Variants in MCCC2 observed in about 807,000 individuals in gnomAD.
MCCC2 encodes the protein methylcrotonyl-CoA carboxylase subunit 2, also known as methylcrotonoyl-CoA carboxylase beta chain, mitochondrial.
In MCCC2, 52 loss-of-function variants were observed where a neutral mutation model predicts 77.2. That is an observed-to-expected ratio of 0.67 (90% CI 0.54 to 0.85). MCCC2 has a LOEUF of 0.85. Ranked by LOEUF, MCCC2 falls within the 40% of genes least tolerant of loss-of-function variation. The pLI, the probability that MCCC2 is intolerant of heterozygous loss-of-function variation, is 0.00. For missense variants in MCCC2, 682 were observed against 703.2 expected (o/e 0.97, Z 0.34); for synonymous variants, 253 against 248.4 (o/e 1.02, Z -0.18).
At chr5:71,647,744 T>G (rs2112465750) in intron 13 of MCCC2, among the ~76,000 whole-genome samples, 1 of 152,292 alleles carries the variant, frequency 6.6e-6, no homozygotes, top group South Asian at 2.1e-4. Context: ...AGAACCCCCC[T>G]GAGAGAAGAG....
chr5:71,638,748 T>G (rs1321984604), intron 10 of MCCC2, among the ~76,000 whole-genome samples: 2 of 152,258 alleles, frequency 1.3e-5, no homozygotes, highest in African/African-American at 2.4e-5. Flanking sequence ...CTTGAACTCC[T>G]GACCTCAGGT....
At chr5:71,595,960 G>A (rs954846531) in intron 2 of MCCC2, among the ~76,000 whole-genome samples, 5 of 152,132 alleles carry the variant, frequency 3.3e-5, no homozygotes, top group Non-Finnish European at 7.4e-5. Context: ...TAAATGTGGT[G>A]GAGATGAGGC....
At chr5:71,627,113 G>A (rs1434632720) in intron 7 of MCCC2, among the ~76,000 whole-genome samples, 1 of 152,188 alleles carries the variant, frequency 6.6e-6, no homozygotes, top group African/African-American at 2.4e-5. Flanking sequence ...TGTGATAGAC[G>A]TATTTCACTT....
At chr5:71,630,196 C>T (rs988662356) in intron 7 of MCCC2, among the ~76,000 whole-genome samples, 1 of 152,158 alleles carries the variant, frequency 6.6e-6, no homozygotes, top group Non-Finnish European at 1.5e-5. Flanking sequence ...AATTCTGACG[C>T]ACGCTTGACC....
chr5:71,658,006 C>T lies in MCCC2; in HGVS notation c.*1146C>T, dbSNP rs546369361. Reference sequence around the variant, plus strand: ...CCCACTTATTTTTGTCTTTCACTATCGCAGGCCTTAGAAGAGGTCTACCTG... The same window carrying T: ...CCCACTTATTTTTGTCTTTCACTATTGCAGGCCTTAGAAGAGGTCTACCTG... On this transcript the variant is annotated 3_prime_UTR_variant, in exon 17 of 17. Transcript: ENST00000340941. The T allele has an allele frequency of 5.9e-5, 9 of 152,298 alleles. No individual in the cohort carries two copies. In the East Asian group the frequency reaches 9.6e-4, roughly 16 times the overall value. 9.4% of individuals were successfully genotyped at this position (152,298 alleles called of 1,614,324 possible). A position where few individuals can be genotyped will look rare whatever the true frequency, so the allele number is the denominator to read the frequency against.
At chr5:71,625,754 A>G (rs897809047) in intron 6 of MCCC2, among the ~76,000 whole-genome samples, 7 of 152,370 alleles carry the variant, frequency 4.6e-5, no homozygotes, top group Admixed American at 1.3e-4. Context: ...TTGGCCATTT[A>G]GATGGAAAAA....
intron 13 of MCCC2, 42 bp from the exon 14 acceptor site, chr5:71,649,055 A>G (rs1484528622): frequency 6.2e-7 from 1 of 1,610,476 alleles, no homozygotes; most frequent in South Asian, 1.1e-5. Flanking sequence ...TCCGCATATT[A>G]ATCCCATCAC....
chr5:71,643,950 G>A, intron 12 of MCCC2, 55 bp downstream of exon 12: 1 of 1,606,494 alleles, frequency 6.2e-7, no homozygotes, highest in Non-Finnish European at 8.5e-7. Flanking sequence ...ACATAACGTT[G>A]AAGGTCAAAT....
At chr5:71,648,986 G>T in intron 13 of MCCC2, 111 bp from the exon 14 acceptor site, 1 of 1,232,178 alleles carries the variant, frequency 8.1e-7, no homozygotes. Flanking sequence ...TTCTTAAGGC[G>T]AGAGGCATTT....
At chr5:71,600,964 G>A (rs926425229) in intron 4 of MCCC2, among the ~76,000 whole-genome samples, 2 of 152,176 alleles carry the variant, frequency 1.3e-5, no homozygotes, top group African/African-American at 4.8e-5. Context: ...TCCCATTGCC[G>A]AGCCTCAGTG....
Position 71,602,568 on chromosome 5 carries a change from C to A in MCCC2, c.446C>A (p.Thr149Asn). The A allele has an allele frequency of 6.2e-7, 1 of 1,614,134 alleles. No individual in the cohort carries two copies. The highest frequency in any genetic ancestry group is 8.5e-7 in the Non-Finnish European group (1 of 1,180,026). Residue 149 changes from threonine (T) to asparagine (N), a missense_variant, in exon 5 of 17, where the codon ACT becomes AAT. Thr to Asn is a moderately conservative substitution (Grantham distance 65). Transcript: ENST00000340941. The part of the protein sequence containing the change: ...TVKGGAYYPV[T>N]VKKQLRAQEI... Reference sequence around the variant, plus strand: ...AAAGGAGGTGCCTACTACCCAGTGACTGTGAAAAAACAATTACGGGCCCAA... The same window carrying A: ...AAAGGAGGTGCCTACTACCCAGTGAATGTGAAAAAACAATTACGGGCCCAA...
rs1747638454 is a variant in MCCC2 at position 71,658,345 on chromosome 5, C to T, written c.*1485C>T. On this transcript the variant is annotated 3_prime_UTR_variant, in exon 17 of 17. Transcript: ENST00000340941. ...CATCCTTCAGTTTAAGCACTTGCTT[C>T]TCTCAGTTTAAACTCCACTTCCTTA... The T allele has an allele frequency of 6.6e-6, 1 of 152,218 alleles. No homozygotes were observed. Among genetic ancestry groups the T allele is most frequent in the South Asian group, 2.1e-4 (1 of 4,826 alleles). The allele number at this position is 152,218 out of a possible 1,614,324, so 9.4% of individuals were successfully genotyped here.
chr5:71,634,897 T>C (rs1746863776), intron 8 of MCCC2, 46 bp from the exon 9 acceptor site: 1 of 1,535,954 alleles, frequency 6.5e-7, no homozygotes, highest in Non-Finnish European at 9.0e-7. Context: ...TATTTAATTA[T>C]TTTCCTTTTC....
At chr5:71,625,101 T>C (rs1021270617) in intron 6 of MCCC2, among the ~76,000 whole-genome samples, 57 of 152,212 alleles carry the variant, frequency 3.7e-4, no homozygotes, top group African/African-American at 1.3e-3. Context: ...TTCTCCTCCT[T>C]TTGCTCTCTG....
At chr5:71,652,077 A>G (rs1256555002) in intron 15 of MCCC2, among the ~76,000 whole-genome samples, 1 of 152,166 alleles carries the variant, frequency 6.6e-6, no homozygotes, top group East Asian at 1.9e-4. Context: ...TTGAGTTGAA[A>G]GTATTTTTCA....
intron 8 of MCCC2, among the ~76,000 whole-genome samples, chr5:71,633,658 A>G (rs1005360689): frequency 6.6e-6 from 1 of 152,054 alleles, no homozygotes; most frequent in Non-Finnish European, 1.5e-5. Context: ...AGCTAATTTG[A>G]CACAAAGACT....
At chr5:71,646,140 T>A (rs1561846921) in intron 12 of MCCC2, 71 bp from the exon 13 acceptor site, 12 of 1,290,390 alleles carry the variant, frequency 9.3e-6, no homozygotes, top group Non-Finnish European at 1.3e-5. Context: ...GAAGTTGTGG[T>A]GTTTGTAGAA....
intron 6 of MCCC2, among the ~76,000 whole-genome samples, chr5:71,620,399 A>G (rs551266874): frequency 6.6e-6 from 1 of 152,338 alleles, no homozygotes; most frequent in African/African-American, 2.4e-5. Flanking sequence ...TATATTTTTA[A>G]TGGCTTTTCT....
intron 4 of MCCC2, 90 bp downstream of exon 4, chr5:71,599,850 T>A (rs1187116546): frequency 9.7e-7 from 1 of 1,030,812 alleles, no homozygotes; most frequent in Non-Finnish European, 1.5e-6. Context: ...CATATTAGCA[T>A]GCGATTTGTA....
Sources: allele counts gnomAD v4.1 joint callset (sites outside exome capture counted in the v4.1 genomes callset), GRCh38; gene constraint gnomAD v4.1.1; transcripts MANE v1.5; gene names NCBI Gene and HGNC (gene_info 2026-07-23, HGNC 2026-07-21).